The following ZNF106 variants were observed in gnomAD, a reference collection of about 807,000 sequenced individuals.
ZNF106 encodes SH3-domain binding protein 3.
A neutral mutation model predicts 195.1 loss-of-function variants in ZNF106; 67 were observed. That is an observed-to-expected ratio of 0.34 (90% CI 0.28 to 0.42). The LOEUF is 0.42. Among genes scored for constraint, ZNF106 ranks in the 10% least tolerant of loss-of-function variants. The pLI, the probability that ZNF106 is intolerant of heterozygous loss-of-function variation, is 1.00. For synonymous variants in ZNF106, 784 were observed against 818.6 expected (o/e 0.96, Z 0.72); for missense variants, 2,118 against 2,304.5 (o/e 0.92, Z 1.66).
chr15:42,484,735 C>T (rs112714474), intron 1 of ZNF106, among the ~76,000 whole-genome samples: 1 of 129,752 alleles, frequency 7.7e-6, no homozygotes, highest in Non-Finnish European at 1.6e-5. Flanking sequence ...GAGACTCTGT[C>T]TCAAAACAAA....
chr15:42,441,989 A>T, intron 10 of ZNF106, 84 bp downstream of exon 10: 1 of 1,097,548 alleles, frequency 9.1e-7, no homozygotes, highest in Non-Finnish European at 1.3e-6. Context: ...AGTTTTAATG[A>T]GCAAGTATGG....
intron 9 of ZNF106, among the ~76,000 whole-genome samples, chr15:42,443,240 G>C (rs2055624168): frequency 1.3e-5 from 2 of 152,096 alleles, no homozygotes; most frequent in African/African-American, 4.8e-5. Flanking sequence ...GAGAAGATTT[G>C]AACCCAGGCC....
chr15:42,423,079 T>C (rs751614731), intron 17 of ZNF106, among the ~76,000 whole-genome samples: 44 of 151,578 alleles, frequency 2.9e-4, no homozygotes, highest in Non-Finnish European at 5.7e-4. Flanking sequence ...AGAGATGGGG[T>C]CTCACAGGCC....
chr15:42,450,951 C>T lies in ZNF106; in HGVS notation c.1321G>A (p.Ala441Thr), dbSNP rs753272299. ...EIHTGSLNHK[A>T]SSDSAASFEV... ...AAGGAAGCAGCGGAATCAGAAGAGG[C>T]CTTGTGATTAAGAGATCCAGTATGT... The change falls in exon 5 of 22, where the codon GCC becomes ACC. Residue 441 changes from alanine to threonine, a missense_variant. Physicochemically the swap from Ala to Thr is moderately conservative, Grantham distance 58 (BLOSUM62 0). Transcript: ENST00000564754. 8 of 1,613,974 alleles carry T rather than the reference C, an allele frequency of 5.0e-6. No individual in the cohort carries two copies. The highest frequency in any genetic ancestry group is 3.3e-5 in the Admixed American group (2 of 59,982).
At chr15:42,440,512 AAGTC>A (rs2055457728) in intron 10 of ZNF106, among the ~76,000 whole-genome samples, 1 of 152,114 alleles carries the variant, frequency 6.6e-6, no homozygotes, top group East Asian at 1.9e-4. Flanking sequence ...TAAATGGAAA[AAGTC>A]AGGTTATATA....
intron 1 of ZNF106, among the ~76,000 whole-genome samples, chr15:42,489,688 T>G (rs939305395): frequency 6.6e-6 from 1 of 152,154 alleles, no homozygotes; most frequent in African/African-American, 2.4e-5. Flanking sequence ...TAAAGCAAAT[T>G]TTAAGATTTC....
intron 3 of ZNF106, among the ~76,000 whole-genome samples, chr15:42,460,254 ATCTG>A (rs2056356844): frequency 6.6e-6 from 1 of 152,144 alleles, no homozygotes; most frequent in African/African-American, 2.4e-5. Context: ...AATGCAGAGA[ATCTG>A]TCTAATGCTC....
At chr15:42,446,189 G>C (rs1454751619) in intron 7 of ZNF106, among the ~76,000 whole-genome samples, 1 of 152,136 alleles carries the variant, frequency 6.6e-6, no homozygotes, top group Non-Finnish European at 1.5e-5. Flanking sequence ...TCTTAAGCAA[G>C]GCAACAAAAA....
Position 42,417,012 on chromosome 15 carries a change from C to A in ZNF106, c.*292G>T. Reference sequence around the variant, plus strand: ...CTGGGTAACCAATTAGGATCTGTATCTTCAATAAACATCTGGAGAACGCAA... The same window carrying A: ...CTGGGTAACCAATTAGGATCTGTATATTCAATAAACATCTGGAGAACGCAA... On this transcript the variant is annotated 3_prime_UTR_variant, in exon 22 of 22. Coordinates refer to ENST00000564754, the MANE Select transcript of ZNF106 (RefSeq NM_001366845.3). The A allele has an allele frequency of 3.6e-6, 1 of 276,122 alleles. No individual in the cohort carries two copies. Among genetic ancestry groups the A allele is most frequent in the Non-Finnish European group, 6.8e-6 (1 of 148,110 alleles). 17.1% of individuals were successfully genotyped at this position (276,122 alleles called of 1,614,324 possible). A position where few individuals can be genotyped will look rare whatever the true frequency, so the allele number is the denominator to read the frequency against.
rs774742611 is a variant in ZNF106 at position 42,448,334 on chromosome 15, C to A, written c.2873G>T (p.Arg958Leu). 6.2e-7 allele frequency: 1 copy of A among 1,614,144 alleles called. No homozygotes were observed. Among genetic ancestry groups the A allele is most frequent in the Non-Finnish European group, 8.5e-7 (1 of 1,180,026 alleles). Residue 958 changes from arginine (R) to leucine (L), a missense_variant, in exon 6 of 22, where the codon CGA (arginine) becomes CTA (leucine). By Grantham distance (102) the Arg-to-Leu change is moderately radical (BLOSUM62 -2). Coordinates refer to ENST00000564754, the MANE Select transcript of ZNF106 (RefSeq NM_001366845.3). The stretch of plus-strand genomic sequence containing the variant: ...GTCAGAGGATAATTGTGCACTATGT[C>A]GCCTTTGGGTAGCAACATTTTCAGC... ...ERAENVATQR[R>L]HSAQLSSDHI...
intron 14 of ZNF106, 42 bp downstream of exon 14, chr15:42,435,342 G>A (rs751417516): frequency 2.2e-5 from 35 of 1,612,610 alleles, no homozygotes; most frequent in South Asian, 3.3e-5. Flanking sequence ...ATACAAAGGC[G>A]ACTCAATATG....
chr15:42,430,537 G>A (rs778996528), intron 14 of ZNF106, among the ~76,000 whole-genome samples: 1 of 151,866 alleles, frequency 6.6e-6, no homozygotes, highest in Non-Finnish European at 1.5e-5. Flanking sequence ...GGGCCATCGC[G>A]CATGCCTAGT....
intron 1 of ZNF106, 130 bp from the exon 2 acceptor site, chr15:42,472,451 T>C (rs997166720): frequency 3.2e-6 from 2 of 624,300 alleles, no homozygotes; most frequent in South Asian, 2.4e-5. Context: ...TCTTTCCGTT[T>C]CCAGGTGCAT....
At chr15:42,479,102 T>C (rs4924682) in intron 1 of ZNF106, among the ~76,000 whole-genome samples, 9,453 of 152,206 alleles carry the variant, frequency 0.062, 649 homozygotes, top group Admixed American at 0.16. Flanking sequence ...GGCTAGGAGC[T>C]ACGACTCACG....
In ZNF106 at chr15:42,448,157, G is replaced by A. The variant is rs370952261; in HGVS notation, c.3050C>T (p.Ala1017Val). 163 of 1,613,994 alleles carry A rather than the reference G, an allele frequency of 1.0e-4. No individual in the cohort carries two copies. The highest frequency in any genetic ancestry group is 1.3e-4 in the Non-Finnish European group (158 of 1,180,016). Residue 1017 changes from alanine to valine, a missense_variant, in exon 6 of 22, where the codon GCG (alanine) becomes GTG (valine). Ala to Val is a moderately conservative substitution (Grantham distance 64). Transcript: ENST00000564754. ...ACAGCTACTATCTGTGGCTGCATCC[G>A]CTAAACTGGAGATCGCAAGGGCTGA... ...ASSALAISSL[A>V]DAATDSSCTS...
intron 9 of ZNF106, among the ~76,000 whole-genome samples, chr15:42,443,479 T>C (rs942262968): frequency 6.6e-6 from 1 of 152,102 alleles, no homozygotes; most frequent in African/African-American, 2.4e-5. Flanking sequence ...AAAAGCATTT[T>C]TTAATTTTTA....
intron 20 of ZNF106, among the ~76,000 whole-genome samples, chr15:42,418,647 G>A (rs2054544591): frequency 6.7e-6 from 1 of 150,152 alleles, no homozygotes; most frequent in South Asian, 2.1e-4. Context: ...CCAAAGTGCT[G>A]GGATTACAGG....
chr15:42,467,302 T>G (rs1478396640), intron 2 of ZNF106, among the ~76,000 whole-genome samples: 4 of 152,212 alleles, frequency 2.6e-5, no homozygotes, highest in Non-Finnish European at 4.4e-5. Flanking sequence ...ACACTTGTTG[T>G]GTTATTGCTA....
At chr15:42,473,235 C>A (rs1250346147) in intron 1 of ZNF106, among the ~76,000 whole-genome samples, 1 of 152,140 alleles carries the variant, frequency 6.6e-6, no homozygotes, top group East Asian at 1.9e-4. Flanking sequence ...AAAATCTGAA[C>A]TCCACAACAC....
Sources: allele counts gnomAD v4.1 joint callset (sites outside exome capture counted in the v4.1 genomes callset), GRCh38; gene constraint gnomAD v4.1.1; transcripts MANE v1.5; gene names NCBI Gene and HGNC (gene_info 2026-07-23, HGNC 2026-07-21).